Variants in ANKRD30A observed in about 807,000 individuals in gnomAD.
ANKRD30A encodes the protein ankyrin repeat domain-containing protein 30A.
In ANKRD30A, 170 loss-of-function variants were observed where a neutral mutation model predicts 166.3. The ratio of observed to expected loss-of-function variants is 1.02; its 90% CI spans 0.90 to 1.16. The LOEUF (loss-of-function observed/expected upper bound fraction) is 1.16. ANKRD30A is among the 50% of genes most tolerant of loss of function. The pLI is 0.00. For synonymous variants in ANKRD30A, 564 were observed against 508.9 expected (o/e 1.11, Z -1.46); for missense variants, 1,630 against 1,518.0 (o/e 1.07, Z -1.23).
chr10:37,209,330 C>T (rs1005136677), intron 31 of ANKRD30A, among the ~76,000 whole-genome samples: 17 of 152,176 alleles, frequency 1.1e-4, no homozygotes, highest in African/African-American at 3.6e-4. Context: ...GGAAGCATAA[C>T]GTGGGGCTCT....
At chr10:37,202,673 C>A (rs973835700) in intron 31 of ANKRD30A, among the ~76,000 whole-genome samples, 4 of 152,002 alleles carry the variant, frequency 2.6e-5, no homozygotes, top group Non-Finnish European at 5.9e-5. Context: ...CACAAAAAAT[C>A]CTTCAAAAAA....
At chr10:37,245,506 C>T in the ANKRD30A span, among the ~76,000 whole-genome samples, 1 of 151,802 alleles carries the variant, frequency 6.6e-6, no homozygotes, top group African/African-American at 2.4e-5. Context: ...AATGGGAAAA[C>T]AATATATTTC....
At chr10:37,245,748 G>C in the ANKRD30A span, among the ~76,000 whole-genome samples, 5 of 152,050 alleles carry the variant, frequency 3.3e-5, no homozygotes, top group African/African-American at 1.2e-4. Context: ...ATTTTCATTT[G>C]GAATCTTGAC....
chr10:37,210,781 G>C (rs554670734), intron 31 of ANKRD30A, among the ~76,000 whole-genome samples: 2 of 152,108 alleles, frequency 1.3e-5, no homozygotes, highest in Non-Finnish European at 2.9e-5. Flanking sequence ...AGAAGTATCT[G>C]TTCATATCCT....
chr10:37,227,360 T>G (rs1843207967), intron 34 of ANKRD30A, among the ~76,000 whole-genome samples: 1 of 151,942 alleles, frequency 6.6e-6, no homozygotes, highest in African/African-American at 2.4e-5. Flanking sequence ...GGATATCCAT[T>G]TGTCCCAGAA....
downstream of ANKRD30A, among the ~76,000 whole-genome samples, chr10:37,237,417 T>C (rs1226257400): frequency 6.6e-6 from 1 of 152,206 alleles, no homozygotes; most frequent in Non-Finnish European, 1.5e-5. Context: ...GCTAACTTGC[T>C]AAAGAAAGGA....
chr10:37,230,420 C>A (rs1375351578), intron 34 of ANKRD30A, among the ~76,000 whole-genome samples: 1 of 151,982 alleles, frequency 6.6e-6, no homozygotes, highest in Non-Finnish European at 1.5e-5. Flanking sequence ...GTTTATGTCT[C>A]TTCCGCATTT....
intron 4 of ANKRD30A, among the ~76,000 whole-genome samples, chr10:37,132,764 A>G (rs113792804): frequency 2.8e-4 from 42 of 152,296 alleles, no homozygotes; most frequent in African/African-American, 9.4e-4. Context: ...TTGGGAGGCC[A>G]AGGTGGTTGG....
intron 14 of ANKRD30A, 23 bp from the exon 15 acceptor site, chr10:37,158,491 G>T (rs373042940): frequency 5.1e-5 from 82 of 1,613,140 alleles, no homozygotes; most frequent in Non-Finnish European, 6.9e-5. Context: ...TATATTAATT[G>T]TTTTGTTTCC....
At chr10:37,256,572 CTG>C in the ANKRD30A span, among the ~76,000 whole-genome samples, 13 of 152,270 alleles carry the variant, frequency 8.5e-5, no homozygotes, top group African/African-American at 2.9e-4. Flanking sequence ...ATAAAATAGA[CTG>C]TAAGTAAACA....
At chr10:37,243,919 A>G in the ANKRD30A span, among the ~76,000 whole-genome samples, 3 of 152,118 alleles carry the variant, frequency 2.0e-5, no homozygotes, top group South Asian at 6.2e-4. Context: ...TAGATTGCAG[A>G]TTGTAAGGAG....
the ANKRD30A span, among the ~76,000 whole-genome samples, chr10:37,263,323 G>C: frequency 6.6e-6 from 1 of 152,028 alleles, no homozygotes; most frequent in Admixed American, 6.6e-5. Flanking sequence ...TATGGACAAG[G>C]GGACTTCCAT....
At chr10:37,221,772 T>C (rs1452089649) in intron 34 of ANKRD30A, among the ~76,000 whole-genome samples, 1 of 151,338 alleles carries the variant, frequency 6.6e-6, no homozygotes, top group African/African-American at 2.4e-5. Context: ...TGTTTTTCAG[T>C]GATTTATGTT....
chr10:37,247,513 A>C, the ANKRD30A span, among the ~76,000 whole-genome samples: 2 of 152,044 alleles, frequency 1.3e-5, no homozygotes, highest in Non-Finnish European at 2.9e-5. Context: ...TAATGGACAC[A>C]TAGAGAGGAA....
Position 37,130,334 on chromosome 10 carries a change from G to T in ANKRD30A, c.466G>T (p.Ala156Ser). ...AVYSEILSVV[A>S]KLLSHGAVIE... ...TTATAGTGAGATTTTGTCAGTGGTG[G>T]CAAAACTGCTGTCCCATGGTGCAGT... Residue 156 changes from alanine to serine, a missense_variant, in exon 3 of 36, where the codon GCA becomes TCA. Ala to Ser is a moderately conservative substitution (Grantham distance 99). Transcript: ENST00000361713. The T allele has an allele frequency of 1.3e-6, 2 of 1,579,808 alleles. No individual in the cohort carries two copies. Among genetic ancestry groups the T allele is most frequent in the Non-Finnish European group, 1.7e-6 (2 of 1,163,706 alleles).
At chr10:37,260,760 A>C in the ANKRD30A span, among the ~76,000 whole-genome samples, 1 of 152,222 alleles carries the variant, frequency 6.6e-6, no homozygotes, top group South Asian at 2.1e-4. Context: ...TTATCTACCC[A>C]GCCTGTGAGC....
intron 31 of ANKRD30A, among the ~76,000 whole-genome samples, chr10:37,203,036 A>G (rs1841749995): frequency 6.6e-6 from 1 of 152,182 alleles, no homozygotes. Context: ...ACAGATTCCC[A>G]GCCAAATTCT....
chr10:37,219,884 A>C lies in ANKRD30A; in HGVS notation c.4172A>C (p.Lys1391Thr). ...KNRIYQYEKE[K>T]AETENS ...CGTATATATCAATATGAAAAAGAGA[A>C]AGCAGAAACAGAAGTAAGTATCAAA... is the stretch of plus-strand genomic sequence containing the variant. The change falls in exon 34 of 36, where the codon AAA becomes ACA. Residue 1391 changes from lysine (K) to threonine (T), a missense_variant. This residue lies in a region of ANKRD30A where 712 missense variants were observed against 629.3 expected (regional missense o/e 1.13). Transcript: ENST00000361713. 1 of 1,509,006 alleles carries C rather than the reference A, an allele frequency of 6.6e-7. No individual in the cohort carries two copies. 93.5% of individuals were successfully genotyped at this position (1,509,006 alleles called of 1,614,324 possible). A position where few individuals can be genotyped will look rare whatever the true frequency, so the allele number is the denominator to read the frequency against.
intron 4 of ANKRD30A, among the ~76,000 whole-genome samples, chr10:37,133,288 T>G (rs1314716543): frequency 1.3e-5 from 2 of 152,208 alleles, no homozygotes; most frequent in South Asian, 2.1e-4. Context: ...AGGAAAGAGA[T>G]AGGCTTTTGA....
Sources: gnomAD v4.1 joint callset for allele counts (sites outside exome capture counted in the v4.1 genomes callset) on GRCh38, gnomAD v4.1.1 for gene constraint, gnomAD v4.1.1 regional missense constraint, MANE v1.5 for transcripts, NCBI Gene and HGNC (gene_info 2026-07-23, HGNC 2026-07-21) for gene names.